Variants in TTC31 observed in about 807,000 individuals in gnomAD.
The protein encoded by TTC31 is tetratricopeptide repeat protein 31.
TTC31 carries 59 observed loss-of-function variants against 60.4 expected under a neutral mutation model. That is an observed-to-expected ratio of 0.98 (90% CI 0.79 to 1.21). The LOEUF is 1.21. Ranked by LOEUF, TTC31 falls within the 50% of genes most tolerant of loss-of-function variation. The pLI is 0.00. For missense variants in TTC31, 672 were observed against 646.9 expected (o/e 1.04, Z -0.42); for synonymous variants, 225 against 249.6 (o/e 0.90, Z 0.93).
chr2:74,486,951 T>G (rs749263857), intron 2 of TTC31, among the ~76,000 whole-genome samples: 1 of 151,152 alleles, frequency 6.6e-6, no homozygotes. Flanking sequence ...GACATTTACA[T>G]AGAGATCTAA....
intron 8 of TTC31, 89 bp from the exon 9 acceptor site, chr2:74,491,915 T>A (rs1446335498): frequency 6.3e-7 from 1 of 1,597,180 alleles, no homozygotes; most frequent in African/African-American, 1.3e-5. Flanking sequence ...TGGGTAATGC[T>A]AATTGCAGTG....
intron 2 of TTC31, among the ~76,000 whole-genome samples, chr2:74,483,872 A>G (rs1310738153): frequency 2.7e-5 from 4 of 150,910 alleles, no homozygotes; most frequent in Non-Finnish European, 5.9e-5. Context: ...TGAGCGCGGG[A>G]GGTCAAGGTT....
intron 11 of TTC31, 98 bp from the exon 12 acceptor site, chr2:74,492,547 CA>C (rs1674046427): frequency 6.5e-7 from 1 of 1,547,232 alleles, no homozygotes; most frequent in African/African-American, 1.4e-5. Context: ...CAAAGTGTCA[CA>C]ATGGTTGTGG....
intron 2 of TTC31, among the ~76,000 whole-genome samples, chr2:74,487,739 G>T (rs1438972386): frequency 3.3e-5 from 5 of 152,078 alleles, no homozygotes. Flanking sequence ...GGTGTGCAGT[G>T]GTGTGATCTT....
chr2:74,492,897 G>A, intron 12 of TTC31, 25 bp from the exon 13 acceptor site: 2 of 1,587,376 alleles, frequency 1.3e-6, no homozygotes, highest in Non-Finnish European at 1.7e-6. Flanking sequence ...AGAAGGATCT[G>A]GTGCCCTTCT....
At chr2:74,489,998 C>T (rs1359262039) in intron 2 of TTC31, 27 bp from the exon 3 acceptor site, 1 of 1,401,578 alleles carries the variant, frequency 7.1e-7, no homozygotes, top group Admixed American at 2.0e-5. Context: ...CAACACCAGC[C>T]TCCCCTCCCC....
At position 74,492,217 on chromosome 2, in the gene TTC31, C is replaced by T. The variant is rs201925617; in HGVS notation, c.1007C>T (p.Pro336Leu). The change falls in exon 10 of 13, where the codon CCC (proline) becomes CTC (leucine). Residue 336 changes from proline (P) to leucine (L), a missense_variant. Pro to Leu is a moderately conservative substitution (Grantham distance 98). Coordinates refer to ENST00000233623, the MANE Select transcript of TTC31 (RefSeq NM_022492.6). ...VLFTQALKLN[P>L]QDHRLFGNRS... ...TTCACCCAGGCCTTGAAGCTCAACC[C>T]CCAGGACCACCGGTAGGTGGGGGCT... The T allele has an allele frequency of 1.5e-5, 25 of 1,614,102 alleles. No individual in the cohort carries two copies. The highest frequency in any genetic ancestry group is 1.9e-5 in the Non-Finnish European group (22 of 1,180,046).
chr2:74,490,621 C>G (rs1475419451), intron 4 of TTC31, 35 bp from the exon 5 acceptor site: 1 of 1,607,316 alleles, frequency 6.2e-7, no homozygotes, highest in Non-Finnish European at 8.5e-7. Context: ...TTCCCTGTTT[C>G]TCTCTTTTTC....
chr2:74,493,270 G>A lies in TTC31; in HGVS notation c.*52G>A. The A allele has an allele frequency of 6.4e-7, 1 of 1,569,578 alleles. No individual in the cohort carries two copies. The highest frequency in any genetic ancestry group is 8.7e-7 in the Non-Finnish European group (1 of 1,147,242). On this transcript the variant is annotated 3_prime_UTR_variant, in exon 13 of 13. Coordinates refer to ENST00000233623, the MANE Select transcript of TTC31 (RefSeq NM_022492.6). ...GGCCATGTATATATCCCTTGGTGGG[G>A]GACATAGTGTGGTGACAGTTCACTG...
chr2:74,493,013 C>G lies in TTC31; in HGVS notation c.1355C>G (p.Pro452Arg), dbSNP rs183395059. ...PHAELAPSGL[P>R]SLRCPRSTAL... The stretch of plus-strand genomic sequence containing the variant: ...GCTGAGCTGGCACCCTCAGGCCTAC[C>G]TTCCCTCAGGTGCCCTCGAAGCACT... Residue 452 changes from proline (P) to arginine (R), a missense_variant, in exon 13 of 13, where the codon CCT (proline) becomes CGT (arginine). Physicochemically the swap from Pro to Arg is moderately radical, Grantham distance 103 (BLOSUM62 -2). Coordinates refer to ENST00000233623, the MANE Select transcript of TTC31 (RefSeq NM_022492.6). 1,851 of 1,614,192 alleles carry G rather than the reference C, an allele frequency of 1.1e-3. 17 individuals are homozygous for G. The Middle Eastern group carries it at 0.029, about 25-fold the overall frequency.
chr2:74,492,956 T>G lies in TTC31; in HGVS notation c.1298T>G (p.Leu433Arg), dbSNP rs1010833135. Residue 433 changes from leucine (L) to arginine (R), a missense_variant, in exon 13 of 13, where the codon CTG (leucine) becomes CGG (arginine). Coordinates refer to ENST00000233623, the MANE Select transcript of TTC31 (RefSeq NM_022492.6). Reference protein sequence around the residue: ...GQRGGICAPPLSPGALQPLPH... With the variant: ...GQRGGICAPPRSPGALQPLPH... ...CGAGGAGGAATCTGTGCACCACCTCTGTCACCTGGGGCCCTCCAGCCACTT... is the reference window on the plus strand; with the variant it reads ...CGAGGAGGAATCTGTGCACCACCTCGGTCACCTGGGGCCCTCCAGCCACTT... 15 of 1,612,634 alleles carry G rather than the reference T, an allele frequency of 9.3e-6. No individual in the cohort carries two copies. The African/African-American group carries it at 2.0e-4, about 22-fold the overall frequency.
At chr2:74,483,265 G>A (rs1166046124) in intron 1 of TTC31, 57 bp from the exon 2 acceptor site, 58 of 1,612,914 alleles carry the variant, frequency 3.6e-5, no homozygotes, top group Non-Finnish European at 4.7e-5. Context: ...GAGTGGGGAG[G>A]ACTCTAGCCC....
At position 74,490,130 on chromosome 2, in the gene TTC31, GGGGAGTGCAGGGACCGGGCCCA is replaced by G. The variant is rs1444814224; in HGVS notation, c.232+8_232+29del. On this transcript the variant is annotated splice_donor_5th_base_variant and intron_variant, in intron 3 of 12. Coordinates refer to ENST00000233623, the MANE Select transcript of TTC31 (RefSeq NM_022492.6). ...GCGGCTGCAGCTGTGGCACCATGGT[GGGGAGTGCAGGGACCGGGCCCA>G]GGGATCGAGGCTGGTACCCTGGGAG... 2.5e-6 allele frequency: 4 copies of G among 1,601,620 alleles called. No individual in the cohort carries two copies. Among genetic ancestry groups the G allele is most frequent in the Non-Finnish European group, 3.4e-6 (4 of 1,173,942 alleles).
intron 2 of TTC31, among the ~76,000 whole-genome samples, chr2:74,486,807 C>T (rs547037827): frequency 1.3e-5 from 2 of 151,858 alleles, no homozygotes; most frequent in Non-Finnish European, 2.9e-5. Flanking sequence ...GCAGGAGAAT[C>T]ACTTGAACCC....
chr2:74,490,008 C>T lies in TTC31; in HGVS notation c.130-17C>T, dbSNP rs1340393224. 11 of 1,474,106 alleles carry T rather than the reference C, an allele frequency of 7.5e-6. 1 individual carries two copies. The African/African-American group carries it at 1.1e-4, about 15-fold the overall frequency. 91.3% of individuals were successfully genotyped at this position (1,474,106 alleles called of 1,614,324 possible). On this transcript the variant is annotated splice_polypyrimidine_tract_variant and intron_variant, in intron 2 of 12. Coordinates refer to ENST00000233623, the MANE Select transcript of TTC31 (RefSeq NM_022492.6). Reference sequence around the variant, plus strand: ...GCCCCCAACACCAGCCTCCCCTCCCCTCCCCTCCCCTCCCAGGACATAGTG... The same window carrying T: ...GCCCCCAACACCAGCCTCCCCTCCCTTCCCCTCCCCTCCCAGGACATAGTG...
At chr2:74,490,586 GC>G in intron 4 of TTC31, 69 bp from the exon 5 acceptor site, 1 of 1,560,766 alleles carries the variant, frequency 6.4e-7, no homozygotes, top group Non-Finnish European at 8.7e-7. Flanking sequence ...TATACTGCCT[GC>G]CCCCTTTCAT....
At position 74,492,997 on chromosome 2, in the gene TTC31, G is replaced by A. The variant is rs773459318; in HGVS notation, c.1339G>A (p.Ala447Thr). ...CCAGCCACTTCCCCATGCTGAGCTG[G>A]CACCCTCAGGCCTACCTTCCCTCAG... ...ALQPLPHAEL[A>T]PSGLPSLRCP... is the part of the protein sequence containing the mutation. Residue 447 changes from alanine (A) to threonine (T), a missense_variant, in exon 13 of 13, where the codon GCA becomes ACA. Physicochemically the swap from Ala to Thr is moderately conservative, Grantham distance 58. Transcript: ENST00000233623. 2.5e-5 allele frequency: 41 copies of A among 1,614,004 alleles called. No homozygotes were observed. The highest frequency in any genetic ancestry group is 3.2e-5 in the Non-Finnish European group (38 of 1,179,986).
Position 74,491,479 on chromosome 2 carries a change from A to C in TTC31, c.685-2A>C. 1 of 1,610,714 alleles carries C rather than the reference A, an allele frequency of 6.2e-7. No individual in the cohort carries two copies. The highest frequency in any genetic ancestry group is 8.5e-7 in the Non-Finnish European group (1 of 1,178,700). ...CTCCCTAACTTTCCATTTTGTTCAC[A>C]GGACTCACTGGATCTATCTAGCACT... is the stretch of plus-strand genomic sequence containing the variant. On this transcript the variant is annotated splice_acceptor_variant, in intron 7 of 12. Transcript: ENST00000233623. LOFTEE classifies it high-confidence loss of function.
At chr2:74,485,275 C>T (rs898607064) in intron 2 of TTC31, among the ~76,000 whole-genome samples, 1 of 151,658 alleles carries the variant, frequency 6.6e-6, no homozygotes, top group Non-Finnish European at 1.5e-5. Context: ...CTACCCATCT[C>T]GGCCTCCCAA....
Sources: allele counts gnomAD v4.1 joint callset (sites outside exome capture counted in the v4.1 genomes callset), GRCh38; gene constraint gnomAD v4.1.1; transcripts MANE v1.5; gene names NCBI Gene and HGNC (gene_info 2026-07-23, HGNC 2026-07-21).